The following PFKM variants were observed in gnomAD, a reference collection of about 807,000 sequenced individuals.
PFKM encodes phosphofructokinase, muscle.
Under a neutral mutation model 95.5 loss-of-function variants are expected in PFKM, and 58 were observed. That is an observed-to-expected ratio of 0.61 (90% CI 0.49 to 0.76). The LOEUF is 0.76. PFKM is among the 30% of genes least tolerant of loss of function. The pLI is 0.00. For missense variants in PFKM, 678 were observed against 1,005.4 expected (o/e 0.67, Z 4.40); for synonymous variants, 336 against 357.2 (o/e 0.94, Z 0.67).
rs1462528174 is a variant in PFKM at position 48,112,125 on chromosome 12, T to C, written c.205+3931T>C. 6.6e-4 allele frequency among the ~76,000 whole-genome samples: 100 copies of C among 152,186 alleles called. 1 individual carries two copies. The highest frequency in any genetic ancestry group is 1.9e-4 in the East Asian group (1 of 5,174). ...TGCACGGCCCTGCACTTTGGCTGTGTGTAATGAAAAGGGTTGGGATGAGTT... is the reference window on the plus strand; with the variant it reads ...TGCACGGCCCTGCACTTTGGCTGTGCGTAATGAAAAGGGTTGGGATGAGTT... On this transcript the variant is annotated intron_variant, in intron 3 of 24. Coordinates refer to the PFKM transcript ENST00000340802.
intron 3 of PFKM, among the ~76,000 whole-genome samples, chr12:48,112,943 G>A (rs1056567465): frequency 2.0e-5 from 3 of 152,064 alleles, no homozygotes; most frequent in Non-Finnish European, 2.9e-5. Flanking sequence ...ATGATCAGTC[G>A]CCAAGGAGGG....
intron 10 of PFKM, among the ~76,000 whole-genome samples, chr12:48,136,750 T>TTTTC (rs572621573): frequency 6.6e-6 from 1 of 150,456 alleles, no homozygotes. Flanking sequence ...GGTATTTCTT[T>TTTTC]TTTCTTTCTT....
Position 48,137,826 on chromosome 12 carries a change from C to T in PFKM, c.1042C>T (p.Leu348Phe). The stretch of plus-strand genomic sequence containing the variant: ...TGGTAACCAGGCTGTGCGCCTGCCC[C>T]TCATGGAATGTGTCCAGGTGGTAAG... ...LSGNQAVRLP[L>F]MECVQVTKDV... Residue 348 changes from leucine (L) to phenylalanine (F), a missense_variant, in exon 11 of 23, where the codon CTC becomes TTC. Leu to Phe is a conservative substitution (Grantham distance 22). Transcript: ENST00000359794. 6.2e-7 allele frequency: 1 copy of T among 1,614,204 alleles called. No individual in the cohort carries two copies. Among genetic ancestry groups the T allele is most frequent in the Non-Finnish European group, 8.5e-7 (1 of 1,180,024 alleles).
rs2228500 is a variant in PFKM at position 48,132,929 on chromosome 12, G to A, written c.299G>A (p.Arg100Gln). The A allele has an allele frequency of 0.2, 323,337 of 1,613,792 alleles. 34,053 individuals are homozygous for A. Among genetic ancestry groups the A allele is most frequent in the East Asian group, 0.23 (10,241 of 44,858 alleles). The change falls in exon 5 of 23, where the codon CGA (arginine) becomes CAA (glutamine). Residue 100 changes from arginine (R) to glutamine (Q), a missense_variant. Arg to Gln is a conservative substitution (Grantham distance 43, BLOSUM62 1). Coordinates refer to ENST00000359794, the MANE Select transcript of PFKM (RefSeq NM_000289.6). ...KDFREREGRL[R>Q]AAYNLVKRGI... is the part of the protein sequence containing the mutation. The stretch of plus-strand genomic sequence containing the variant: ...TTTCGGGAACGAGAAGGACGACTCC[G>A]AGCTGCCTACAACCTGGTGAAGCGT...
chr12:48,125,433 C>T (rs1174352134), intron 2 of PFKM: 3 of 405,442 alleles, frequency 7.4e-6, no homozygotes, highest in Non-Finnish European at 1.5e-5. Flanking sequence ...ACCAGCCTGA[C>T]CAACATGGAG....
Position 48,145,038 on chromosome 12 carries a change from G to A in PFKM, c.2000G>A (p.Ser667Asn), listed in dbSNP as rs1565916085. 1 of 1,611,276 alleles carries A rather than the reference G, an allele frequency of 6.2e-7. No homozygotes were observed. ...NVLGHMQQGG[S>N]PTPFDRNFAT... ...TTATGTTTCTTTCTCCAGGGTGGGA[G>A]CCCAACCCCATTTGATAGGAATTTT... Residue 667 changes from serine (S) to asparagine (N), a missense_variant, in exon 21 of 23, where the codon AGC becomes AAC. Transcript: ENST00000359794. This position sits in a 1 kb window ranked among gnomAD's most constrained non-coding sequence, Gnocchi z 4.3.
chr12:48,122,991 CCTAAGTCCT>C, intron 2 of PFKM, 132 bp downstream of exon 2: 1 of 766,902 alleles, frequency 1.3e-6, no homozygotes, highest in Middle Eastern at 2.5e-4. Context: ...TTCTGTGAGG[CCTAAGTCCT>C]CAAGTGCATT....
At chr12:48,106,012 TCC>T (rs1946550486) in exon 1 of PFKM, 1 of 700,604 alleles carries the variant, frequency 1.4e-6, no homozygotes, top group African/African-American at 1.8e-5. Flanking sequence ...TCCCCCAGCT[TCC>T]CGCCGCCACT....
intron 16 of PFKM, 21 bp from the exon 17 acceptor site, chr12:48,141,893 C>G: frequency 6.2e-7 from 1 of 1,614,104 alleles, no homozygotes; most frequent in Non-Finnish European, 8.5e-7. Context: ...CAATCCTGCC[C>G]TTGTGCTCTC....
chr12:48,112,545 C>T (rs1947289437), intron 3 of PFKM, among the ~76,000 whole-genome samples: 1 of 152,128 alleles, frequency 6.6e-6, no homozygotes, highest in Non-Finnish European at 1.5e-5. Context: ...AGGGTCAGTC[C>T]AAGTGAAAGT....
At chr12:48,122,961 TTTTGGGC>T in intron 2 of PFKM, 102 bp downstream of exon 2, 1 of 1,221,300 alleles carries the variant, frequency 8.2e-7, no homozygotes, top group East Asian at 2.4e-5. Context: ...TTCACGGGAA[TTTTGGGC>T]TTTGCTAAAA....
rs145732603 is a variant in PFKM at position 48,136,809 on chromosome 12, A to G, written c.937-912A>G. On this transcript the variant is annotated intron_variant, in intron 10 of 22. Coordinates refer to ENST00000359794, the MANE Select transcript of PFKM (RefSeq NM_000289.6). ...CTCTCTGTTGCCCAGGCTGGAGTGC[A>G]GTGGCATGGTCTCAGCTCACTGCAA... 6.7e-3 allele frequency among the ~76,000 whole-genome samples: 994 copies of G among 148,800 alleles called. 5 individuals carry two copies. The highest frequency in any genetic ancestry group is 0.023 in the African/African-American group (931 of 40,350).
intron 14 of PFKM, 116 bp from the exon 15 acceptor site, chr12:48,141,195 C>CT: frequency 1.0e-6 from 1 of 1,000,962 alleles, no homozygotes; most frequent in Non-Finnish European, 1.6e-6. Context: ...CCTGGTGTAC[C>CT]TTTTCCAACC....
chr12:48,110,513 C>G (rs997531877), intron 3 of PFKM, among the ~76,000 whole-genome samples: 6 of 152,156 alleles, frequency 3.9e-5, no homozygotes, highest in African/African-American at 1.4e-4. Context: ...CACTATAGGG[C>G]ACCAGTGAAA....
intron 5 of PFKM, 46 bp downstream of exon 5, chr12:48,133,103 G>A: frequency 1.3e-6 from 2 of 1,549,488 alleles, no homozygotes; most frequent in Non-Finnish European, 1.8e-6. Flanking sequence ...GTCGGTACGT[G>A]CACGCGTGTA....
chr12:48,131,063 T>C, intron 3 of PFKM, among the ~76,000 whole-genome samples: 1 of 152,290 alleles, frequency 6.6e-6, no homozygotes, highest in East Asian at 1.9e-4. Flanking sequence ...AAAATAAGAA[T>C]TAAGATTAAC....
At chr12:48,132,791 A>G in intron 4 of PFKM, 77 bp from the exon 5 acceptor site, 1 of 1,250,904 alleles carries the variant, frequency 8.0e-7, no homozygotes, top group Non-Finnish European at 1.1e-6. Flanking sequence ...ATGTTAGGCC[A>G]TCACAGCATT....
chr12:48,121,622 T>A (rs10875745), intron 1 of PFKM, among the ~76,000 whole-genome samples: 36,673 of 152,080 alleles, frequency 0.24, 4,816 homozygotes, highest in Non-Finnish European at 0.31. Context: ...TTCCTGTGAA[T>A]GAATACACAT....
rs1285752037 is a variant in PFKM, at chr12:48,139,904, G to A, written c.1183G>A (p.Val395Ile). Reference protein sequence around the residue: ...YKLLAHVRPPVSKSGSHTVAV... With the variant: ...YKLLAHVRPPISKSGSHTVAV... ...GCTTCTAGCTCATGTCAGACCCCCG[G>A]TATCTAAGGTACTGGCAAGTTGACT... is the stretch of plus-strand genomic sequence containing the variant. Residue 395 changes from valine (V) to isoleucine (I), a missense_variant, in exon 13 of 23, where the codon GTA (valine) becomes ATA (isoleucine). Physicochemically the swap from Val to Ile is conservative, Grantham distance 29 (BLOSUM62 3). Coordinates refer to ENST00000359794, the MANE Select transcript of PFKM (RefSeq NM_000289.6). 6.2e-7 allele frequency: 1 copy of A among 1,609,346 alleles called. No homozygotes were observed. Among genetic ancestry groups the A allele is most frequent in the Non-Finnish European group, 8.5e-7 (1 of 1,175,714 alleles).
Sources: gnomAD v4.1 joint callset for allele counts (sites outside exome capture counted in the v4.1 genomes callset) on GRCh38, gnomAD v4.1.1 for gene constraint, Gnocchi (gnomAD v3.1) non-coding constraint, MANE v1.5 for transcripts, NCBI Gene and HGNC (gene_info 2026-07-23, HGNC 2026-07-21) for gene names.